Variants in SLC36A3 observed in about 807,000 individuals in gnomAD.
SLC36A3 encodes the protein solute carrier family 36 member 3.
A neutral mutation model predicts 44.3 loss-of-function variants in SLC36A3; 35 were observed. The observed-to-expected ratio is 0.79, with a 90% CI of 0.60 to 1.05. The LOEUF (loss-of-function observed/expected upper bound fraction) is 1.05, where lower values mean the gene tolerates loss of function less well. SLC36A3 is among the 50% of genes least tolerant of loss of function. The probability of loss-of-function intolerance (pLI) is 0.00; values close to 1 mark genes in which losing one functional copy is unlikely to be tolerated. For synonymous variants in SLC36A3, 211 were observed against 227.6 expected (o/e 0.93, Z 0.66); for missense variants, 540 against 578.7 (o/e 0.93, Z 0.69).
intron 4 of SLC36A3, among the ~76,000 whole-genome samples, chr5:151,292,315 T>C (rs1295676807): frequency 1.3e-5 from 2 of 152,202 alleles, no homozygotes; most frequent in Non-Finnish European, 2.9e-5. Flanking sequence ...ATCAATGACC[T>C]ACTGAGAATC....
chr5:151,277,221 G>A lies in SLC36A3; in HGVS notation c.*172C>T, dbSNP rs1561624719. ...CAAAAAATATAAAACCAAAAGAGGT[G>A]TAGCCTGAGAGACATCAGTGCTAAC... On this transcript the variant is annotated 3_prime_UTR_variant, in exon 10 of 10. Coordinates refer to ENST00000335230, the MANE Select transcript of SLC36A3 (RefSeq NM_181774.4). 1.4e-5 allele frequency: 12 copies of A among 880,494 alleles called. No individual in the cohort carries two copies. The East Asian group carries it at 2.7e-4, about 20-fold the overall frequency. The allele number at this position is 880,494 out of a possible 1,614,324, so 54.5% of individuals were successfully genotyped here.
chr5:151,286,892 A>G (rs566683104), intron 6 of SLC36A3, among the ~76,000 whole-genome samples: 87 of 152,194 alleles, frequency 5.7e-4, no homozygotes, highest in Non-Finnish European at 1.1e-3. Context: ...CTCCAAGTAA[A>G]TGCAGCTTCC....
intron 5 of SLC36A3, among the ~76,000 whole-genome samples, chr5:151,287,862 C>G (rs1754602643): frequency 6.6e-6 from 1 of 152,186 alleles, no homozygotes; most frequent in Non-Finnish European, 1.5e-5. Context: ...ATCTGGGAAG[C>G]TCTAAATATT....
Position 151,298,666 on chromosome 5 carries a change from A to T in SLC36A3, c.146T>A (p.Ile49Asn). 6.2e-7 allele frequency: 1 copy of T among 1,614,152 alleles called. No homozygotes were observed. The highest frequency in any genetic ancestry group is 1.1e-5 in the South Asian group (1 of 91,080). The change falls in exon 2 of 10, where the codon ATC (isoleucine) becomes AAC (asparagine). Residue 49 changes from isoleucine (I) to asparagine (N), a missense_variant. Ile to Asn is a moderately radical substitution (Grantham distance 149, BLOSUM62 -3). Coordinates refer to ENST00000335230, the MANE Select transcript of SLC36A3 (RefSeq NM_181774.4). ...EAGLSMMQTL[I>N]HLLKCNIGTG... Reference sequence around the variant, plus strand: ...GCCAATGTTGCATTTCAACAAGTGGATCAAAGTTTGCATCATCCTGTGGTG... The same window carrying T: ...GCCAATGTTGCATTTCAACAAGTGGTTCAAAGTTTGCATCATCCTGTGGTG...
At chr5:151,286,758 G>T (rs1381012265) in intron 6 of SLC36A3, among the ~76,000 whole-genome samples, 2 of 152,086 alleles carry the variant, frequency 1.3e-5, no homozygotes, top group African/African-American at 2.4e-5. Flanking sequence ...TATTGCGAAG[G>T]TTCAATAAGT....
chr5:151,279,477 T>C (rs1490912525), intron 9 of SLC36A3, among the ~76,000 whole-genome samples: 1 of 152,166 alleles, frequency 6.6e-6, no homozygotes, highest in Non-Finnish European at 1.5e-5. Context: ...GGGTAAAGGG[T>C]AATAGAATTG....
intron 4 of SLC36A3, among the ~76,000 whole-genome samples, chr5:151,290,671 G>A (rs181830229): frequency 4.6e-4 from 70 of 152,194 alleles, no homozygotes; most frequent in African/African-American, 1.7e-3. Flanking sequence ...CGAGGCGGGC[G>A]GATCACGAGG....
chr5:151,280,965 G>C, intron 9 of SLC36A3, 49 bp downstream of exon 9: 1 of 1,609,918 alleles, frequency 6.2e-7, no homozygotes, highest in Non-Finnish European at 8.5e-7. Flanking sequence ...GCGCCAGCGT[G>C]GCTCCCTGTC....
At chr5:151,282,302 G>T (rs1374761020) in intron 8 of SLC36A3, among the ~76,000 whole-genome samples, 1 of 151,662 alleles carries the variant, frequency 6.6e-6, no homozygotes, top group South Asian at 2.1e-4. Context: ...CCGAGTAGCT[G>T]GGATTACAGG....
chr5:151,296,081 G>T, intron 3 of SLC36A3, 99 bp downstream of exon 3: 1 of 1,100,862 alleles, frequency 9.1e-7, no homozygotes, highest in Non-Finnish European at 1.4e-6. Flanking sequence ...AAGGTGGCCT[G>T]GAGCAGTGGC....
chr5:151,293,261 G>A (rs1754826473), intron 4 of SLC36A3, 103 bp downstream of exon 4: 1 of 978,020 alleles, frequency 1.0e-6, no homozygotes, highest in Non-Finnish European at 1.5e-6. Flanking sequence ...TTGTTTGATA[G>A]TTTACAATAA....
chr5:151,278,317 C>T (rs1754178742), intron 9 of SLC36A3, among the ~76,000 whole-genome samples: 1 of 152,192 alleles, frequency 6.6e-6, no homozygotes, highest in Non-Finnish European at 1.5e-5. Flanking sequence ...CTTCTCTTCT[C>T]TTCACACTCC....
chr5:151,290,109 A>T (rs1165733867), intron 4 of SLC36A3, among the ~76,000 whole-genome samples: 2 of 152,218 alleles, frequency 1.3e-5, no homozygotes, highest in African/African-American at 4.8e-5. Context: ...TTCTAAATTT[A>T]ATATCTTATA....
Position 151,284,666 on chromosome 5 carries a change from T to A in SLC36A3, c.754A>T (p.Thr252Ser). Residue 252 changes from threonine to serine, a missense_variant, in exon 7 of 10, where the codon ACC (threonine) becomes TCC (serine). Transcript: ENST00000335230. The stretch of plus-strand genomic sequence containing the variant: ...GCTGTACCAAAGAACAGCAAGAAGG[T>A]CTTCCAGTTTGCCATCAAGGGTAGG... ...SNLPLMANWKTFLLFFGTAIF... is the reference protein window; with the variant it reads ...SNLPLMANWKSFLLFFGTAIF... 6.2e-7 allele frequency: 1 copy of A among 1,613,446 alleles called. No homozygotes were observed. The highest frequency in any genetic ancestry group is 8.5e-7 in the Non-Finnish European group (1 of 1,179,552).
Position 151,276,998 on chromosome 5 carries a change from C to G in SLC36A3, c.*395G>C, listed in dbSNP as rs553672169. On this transcript the variant is annotated 3_prime_UTR_variant, in exon 10 of 10. Transcript: ENST00000335230. The stretch of plus-strand genomic sequence containing the variant: ...TTAGAATATCTAAATAGAAAACTCC[C>G]TTCGCCCAACATACACTTTTCTAAA... The G allele has an allele frequency of 5.2e-6, 1 of 190,768 alleles. No homozygotes were observed. The highest frequency in any genetic ancestry group is 5.3e-5 in the Admixed American group (1 of 18,978). 11.8% of individuals were successfully genotyped at this position (190,768 alleles called of 1,614,324 possible). A position where few individuals can be genotyped will look rare whatever the true frequency, so the allele number is the denominator to read the frequency against.
chr5:151,299,225 G>GCTCGCTCTCTCT (rs1302695028), intron 1 of SLC36A3, among the ~76,000 whole-genome samples: 6 of 92,390 alleles, frequency 6.5e-5, no homozygotes, highest in Non-Finnish European at 1.2e-4. Context: ...TTGCTTGTGC[G>GCTCGCTCTCTCT]CTCTCTCTCT....
At chr5:151,285,534 A>G (rs1252859429) in intron 6 of SLC36A3, among the ~76,000 whole-genome samples, 1 of 152,214 alleles carries the variant, frequency 6.6e-6, no homozygotes, top group Non-Finnish European at 1.5e-5. Context: ...TCTAGGGGGA[A>G]TGATTATGTT....
chr5:151,300,022 T>C (rs994036136), intron 1 of SLC36A3, among the ~76,000 whole-genome samples: 1 of 152,200 alleles, frequency 6.6e-6, no homozygotes, highest in African/African-American at 2.4e-5. Flanking sequence ...AAGGCAAGCA[T>C]GGGCTGGTTT....
intron 3 of SLC36A3, among the ~76,000 whole-genome samples, chr5:151,293,879 T>C (rs879564206): frequency 6.3e-5 from 9 of 143,828 alleles, no homozygotes; most frequent in African/African-American, 2.1e-4. Context: ...CTCACAAAGG[T>C]GATACTCGGG....
Sources: gnomAD v4.1 joint callset for allele counts (sites outside exome capture counted in the v4.1 genomes callset) on GRCh38, gnomAD v4.1.1 for gene constraint, MANE v1.5 for transcripts, NCBI Gene and HGNC (gene_info 2026-07-23, HGNC 2026-07-21) for gene names.